The following TNS3 variants were observed in gnomAD, a reference collection of about 807,000 sequenced individuals.
The protein encoded by TNS3 is tensin 3.
A neutral mutation model predicts 140.9 loss-of-function variants in TNS3; 45 were observed. That is an observed-to-expected ratio of 0.32 (90% CI 0.25 to 0.41). TNS3 has a LOEUF of 0.41. Among genes scored for constraint, TNS3 ranks in the 10% least tolerant of loss-of-function variants. TNS3 has a pLI of 1.00. For missense variants in TNS3, 1,716 were observed against 1,906.7 expected (o/e 0.90, Z 1.86); for synonymous variants, 815 against 788.4 (o/e 1.03, Z -0.56).
intron 10 of TNS3, among the ~76,000 whole-genome samples, chr7:47,420,920 A>C (rs933855164): frequency 2.6e-5 from 4 of 152,224 alleles, no homozygotes; most frequent in Non-Finnish European, 5.9e-5. Context: ...TTTCTAGGAC[A>C]TCCTGATTTC....
intron 10 of TNS3, among the ~76,000 whole-genome samples, chr7:47,417,784 C>G (rs1372521037): frequency 6.6e-6 from 1 of 151,906 alleles, no homozygotes; most frequent in Non-Finnish European, 1.5e-5. Context: ...ACATATTGTT[C>G]AAAATCCCAA....
intron 1 of TNS3, among the ~76,000 whole-genome samples, chr7:47,564,560 C>G (rs1343122695): frequency 6.8e-6 from 1 of 146,016 alleles, no homozygotes; most frequent in Non-Finnish European, 1.5e-5. Flanking sequence ...AGCTTGAACC[C>G]AGGACGCAGA....
intron 16 of TNS3, among the ~76,000 whole-genome samples, chr7:47,389,774 C>T (rs371823453): frequency 2.6e-5 from 4 of 152,246 alleles, no homozygotes; most frequent in Non-Finnish European, 5.9e-5. Flanking sequence ...TCTGCGATCA[C>T]GCCTGCAAGG....
At chr7:47,351,963 C>T (rs1321004098) in intron 17 of TNS3, among the ~76,000 whole-genome samples, 1 of 152,152 alleles carries the variant, frequency 6.6e-6, no homozygotes, top group Non-Finnish European at 1.5e-5. Context: ...CTTTTTCACA[C>T]CCACACACTT....
At chr7:47,351,544 C>T (rs769277854) in intron 17 of TNS3, among the ~76,000 whole-genome samples, 12 of 152,134 alleles carry the variant, frequency 7.9e-5, no homozygotes, top group African/African-American at 1.4e-4. Context: ...TGAGACTCCA[C>T]GCTAGGTCCA....
At chr7:47,411,845 A>C in intron 12 of TNS3, 43 bp from the exon 13 acceptor site, 1 of 1,583,880 alleles carries the variant, frequency 6.3e-7, no homozygotes, top group Non-Finnish European at 8.6e-7. Context: ...CAACTTCATG[A>C]TTTTGTGGGA....
intron 2 of TNS3, among the ~76,000 whole-genome samples, chr7:47,508,277 T>G (rs998142385): frequency 5.9e-5 from 9 of 152,246 alleles, no homozygotes; most frequent in Non-Finnish European, 1.3e-4. Context: ...CTTTGTATGA[T>G]CTATATTTTT....
chr7:47,357,688 G>A (rs990692883), intron 17 of TNS3, among the ~76,000 whole-genome samples: 8 of 148,762 alleles, frequency 5.4e-5, no homozygotes, highest in African/African-American at 1.5e-4. Flanking sequence ...TCCCTCAGTC[G>A]TGCTGTCTTC....
chr7:47,381,428 T>C (rs547188248), intron 16 of TNS3, among the ~76,000 whole-genome samples: 87 of 152,298 alleles, frequency 5.7e-4, no homozygotes, highest in African/African-American at 2.0e-3. Flanking sequence ...GTAGGTGGGC[T>C]TCAGACAGTG....
chr7:47,363,033 C>T (rs796737735), intron 17 of TNS3, among the ~76,000 whole-genome samples: 1 of 149,384 alleles, frequency 6.7e-6, no homozygotes, highest in Non-Finnish European at 1.5e-5. Flanking sequence ...ATCACCATCA[C>T]CATCAACATC....
At chr7:47,386,872 C>T (rs945997574) in intron 16 of TNS3, among the ~76,000 whole-genome samples, 1 of 152,208 alleles carries the variant, frequency 6.6e-6, no homozygotes, top group Non-Finnish European at 1.5e-5. Context: ...GGATGTTTTA[C>T]ATAAAATATC....
At chr7:47,429,375 T>TG (rs2151501722) in intron 8 of TNS3, among the ~76,000 whole-genome samples, 1 of 151,912 alleles carries the variant, frequency 6.6e-6, no homozygotes, top group Non-Finnish European at 1.5e-5. Context: ...TCTGGCTCTT[T>TG]TTTTTTTGGA....
chr7:47,397,051 C>T (rs974983634), intron 15 of TNS3, 147 bp from the exon 16 acceptor site: 19 of 641,686 alleles, frequency 3.0e-5, no homozygotes, highest in African/African-American at 7.3e-5. Flanking sequence ...GGAGCCACAA[C>T]ACTAATCAGA....
At chr7:47,392,323 A>G (rs1433775766) in intron 16 of TNS3, among the ~76,000 whole-genome samples, 1 of 152,192 alleles carries the variant, frequency 6.6e-6, no homozygotes, top group Non-Finnish European at 1.5e-5. Flanking sequence ...CTTTCTGAGT[A>G]TAGAAGCAGA....
chr7:47,568,604 T>C (rs922259939), intron 1 of TNS3, among the ~76,000 whole-genome samples: 1 of 152,248 alleles, frequency 6.6e-6, no homozygotes, highest in African/African-American at 2.4e-5. Context: ...CAATAATTCA[T>C]GCCAGTTACT....
intron 20 of TNS3, among the ~76,000 whole-genome samples, chr7:47,339,798 T>G (rs1016940527): frequency 6.6e-6 from 1 of 152,018 alleles, no homozygotes; most frequent in African/African-American, 2.4e-5. Context: ...CTCTACTAGG[T>G]TGAGTTTTCC....
At chr7:47,504,696 G>A (rs919221002) in intron 3 of TNS3, among the ~76,000 whole-genome samples, 2 of 152,214 alleles carry the variant, frequency 1.3e-5, no homozygotes, top group African/African-American at 4.8e-5. Context: ...CTGGAAGACC[G>A]AGCGGCTCCC....
chr7:47,577,823 C>T (rs1800709534), intron 1 of TNS3, among the ~76,000 whole-genome samples: 1 of 152,086 alleles, frequency 6.6e-6, no homozygotes, highest in Non-Finnish European at 1.5e-5. Context: ...GGGCTTCCTG[C>T]CCAGCGCTGG....
At chr7:47,497,718 G>T (rs370338746) in intron 3 of TNS3, among the ~76,000 whole-genome samples, 1 of 142,858 alleles carries the variant, frequency 7.0e-6, no homozygotes, top group African/African-American at 2.5e-5. Context: ...TGTTCACCGC[G>T]TGCTCTTTTC....
Sources: gnomAD v4.1 joint callset for allele counts (sites outside exome capture counted in the v4.1 genomes callset) on GRCh38, gnomAD v4.1.1 for gene constraint, MANE v1.5 for transcripts, NCBI Gene and HGNC (gene_info 2026-07-23, HGNC 2026-07-21) for gene names.